CNIH3: variants seen among roughly 807,000 people sequenced by gnomAD.
CNIH3 encodes the protein cornichon family AMPA receptor auxiliary protein 3, also known as protein cornichon homolog 3.
Under a neutral mutation model 24.1 loss-of-function variants are expected in CNIH3, and 14 were observed. That is an observed-to-expected ratio of 0.58 (90% CI 0.38 to 0.91). CNIH3 has a LOEUF of 0.91. Among genes scored for constraint, CNIH3 ranks in the 40% least tolerant of loss-of-function variants. The pLI, the probability that CNIH3 is intolerant of heterozygous loss-of-function variation, is 0.00. For synonymous variants in CNIH3, 68 were observed against 73.8 expected, an observed-to-expected ratio of 0.92 and a Z score of 0.40; for missense variants, 178 against 196.8, an observed-to-expected ratio of 0.90 and a Z score of 0.57.
At chr1:224,660,753 GAA>G (rs1310203054) in intron 1 of CNIH3, among the ~76,000 whole-genome samples, 5 of 151,956 alleles carry the variant, frequency 3.3e-5, no homozygotes, top group Non-Finnish European at 7.4e-5. Context: ...ACTAAACACT[GAA>G]AAAAATGAAA....
At chr1:224,709,330 A>C (rs866692814) in intron 3 of CNIH3, among the ~76,000 whole-genome samples, 29 of 152,096 alleles carry the variant, frequency 1.9e-4, no homozygotes, top group Non-Finnish European at 3.5e-4. Context: ...ACCTGGTTTT[A>C]CTCATTGTAC....
At chr1:224,656,111 T>C (rs1336684170) in intron 1 of CNIH3, among the ~76,000 whole-genome samples, 1 of 152,280 alleles carries the variant, frequency 6.6e-6, no homozygotes, top group South Asian at 2.1e-4. Flanking sequence ...TTTCTATTGA[T>C]CAATTCCTCA....
intron 1 of CNIH3, among the ~76,000 whole-genome samples, chr1:224,677,836 G>A (rs1466379640): frequency 6.6e-6 from 1 of 152,252 alleles, no homozygotes. Context: ...CTCCATGGGT[G>A]CCCAGTCTCT....
At chr1:224,686,695 A>G (rs1040935274) in intron 3 of CNIH3, among the ~76,000 whole-genome samples, 8 of 152,192 alleles carry the variant, frequency 5.3e-5, no homozygotes, top group South Asian at 4.1e-4. Context: ...TGGCAGAACA[A>G]TGTTCCATAT....
In CNIH3 at chr1:224,604,571, G is replaced by A. The variant is rs950675544; in HGVS notation, n.402+38307G>A. Among the ~76,000 whole-genome samples the A allele has an allele frequency of 6.6e-6, 1 of 152,176 alleles. No homozygotes were observed. The highest frequency in any genetic ancestry group is 2.4e-5 in the African/African-American group (1 of 41,448). On this transcript the variant is annotated intron_variant and non_coding_transcript_variant, in intron 3 of 7. Coordinates refer to the CNIH3 transcript ENST00000478120. This position sits in a 1 kb window ranked among gnomAD's most constrained non-coding sequence, Gnocchi z 4.4. ...GACAAGTCCTCAGAGATGTGGTTATGTGGCACCAGGGAGGCTGGAGCCAGG... is the reference window on the plus strand; with the variant it reads ...GACAAGTCCTCAGAGATGTGGTTATATGGCACCAGGGAGGCTGGAGCCAGG...
intron 1 of CNIH3, among the ~76,000 whole-genome samples, chr1:224,476,256 A>G (rs1021534460): frequency 5.3e-5 from 8 of 152,236 alleles, no homozygotes; most frequent in Non-Finnish European, 1.0e-4. Context: ...AGAAAGAAAT[A>G]AAGGACATCA....
At chr1:224,459,492 A>G (rs1215415131) in intron 1 of CNIH3, among the ~76,000 whole-genome samples, 1 of 152,210 alleles carries the variant, frequency 6.6e-6, no homozygotes, top group Admixed American at 6.5e-5. Flanking sequence ...AAAGAAAGAA[A>G]TAACAACTTC....
chr1:224,569,056 C>T (rs907027085), intron 4 of CNIH3, among the ~76,000 whole-genome samples: 2 of 152,060 alleles, frequency 1.3e-5, no homozygotes, highest in Non-Finnish European at 2.9e-5. Flanking sequence ...TTAGTAGAGA[C>T]GGGGTTTCTC....
intron 3 of CNIH3, among the ~76,000 whole-genome samples, chr1:224,550,507 G>T (rs2124964801): frequency 6.6e-6 from 1 of 152,194 alleles, no homozygotes; most frequent in South Asian, 2.1e-4. Context: ...ATAGAAATAT[G>T]AGAGCGATGT....
intron 1 of CNIH3, among the ~76,000 whole-genome samples, chr1:224,444,032 T>C (rs1675040765): frequency 6.6e-6 from 1 of 152,194 alleles, no homozygotes; most frequent in Non-Finnish European, 1.5e-5. Context: ...GGTAAAGAAA[T>C]GGTGTAGCAA....
chr1:224,647,225 C>T (rs561984506), intron 1 of CNIH3, among the ~76,000 whole-genome samples: 24 of 152,308 alleles, frequency 1.6e-4, no homozygotes, highest in East Asian at 5.8e-4. Flanking sequence ...TCAAGTGATC[C>T]GCTTGCTTCG....
chr1:224,734,331 A>G (rs926055507), intron 4 of CNIH3, among the ~76,000 whole-genome samples: 4 of 152,198 alleles, frequency 2.6e-5, no homozygotes, highest in African/African-American at 9.7e-5. Flanking sequence ...GCAGCTTTGT[A>G]TATGGGTGAA....
intron 1 of CNIH3, among the ~76,000 whole-genome samples, chr1:224,654,155 G>A (rs1395896507): frequency 6.6e-6 from 1 of 152,162 alleles, no homozygotes; most frequent in African/African-American, 2.4e-5. Context: ...GCCAAGGCGG[G>A]CGGATCACCT....
intron 2 of CNIH3, among the ~76,000 whole-genome samples, chr1:224,526,955 C>T (rs1216062419): frequency 4.6e-5 from 7 of 152,218 alleles, no homozygotes; most frequent in South Asian, 2.1e-4. Context: ...CTCACTATCA[C>T]GAGGAAGCAC....
intron 1 of CNIH3, among the ~76,000 whole-genome samples, chr1:224,637,482 G>A (rs932461901): frequency 4.0e-5 from 6 of 151,790 alleles, no homozygotes; most frequent in Non-Finnish European, 8.8e-5. Flanking sequence ...CTGAGTTGGC[G>A]GGGTCACCCT....
intron 3 of CNIH3, among the ~76,000 whole-genome samples, chr1:224,555,233 T>A (rs572756789): frequency 6.6e-6 from 1 of 152,152 alleles, no homozygotes; most frequent in Non-Finnish European, 1.5e-5. Flanking sequence ...GGAGTGGGGA[T>A]TTGATTTGGG....
At chr1:224,731,675 G>A (rs1489154714) in intron 4 of CNIH3, among the ~76,000 whole-genome samples, 1 of 152,358 alleles carries the variant, frequency 6.6e-6, no homozygotes, top group East Asian at 1.9e-4. Flanking sequence ...TACCCTTAAG[G>A]AACGTACATC....
chr1:224,484,265 C>T (rs1676939305), intron 1 of CNIH3, among the ~76,000 whole-genome samples: 1 of 151,494 alleles, frequency 6.6e-6, no homozygotes, highest in East Asian at 2.0e-4. Flanking sequence ...CCTGTCTATA[C>T]TAAAAATACA....
At chr1:224,557,645 G>C (rs1055845108) in intron 3 of CNIH3, among the ~76,000 whole-genome samples, 3 of 152,014 alleles carry the variant, frequency 2.0e-5, no homozygotes, top group Admixed American at 6.6e-5. Context: ...TTAGTAGAGA[G>C]GGGGTTTTGC....
Sources: gnomAD v4.1 joint callset for allele counts (sites outside exome capture counted in the v4.1 genomes callset) on GRCh38, gnomAD v4.1.1 for gene constraint, Gnocchi (gnomAD v3.1) non-coding constraint, MANE v1.5 for transcripts, NCBI Gene and HGNC (gene_info 2026-07-23, HGNC 2026-07-21) for gene names.